The following TNPO2 variants were observed in gnomAD, a reference collection of about 807,000 sequenced individuals.
TNPO2 encodes the protein transportin-2.
Under a neutral mutation model 111.1 loss-of-function variants are expected in TNPO2, and 16 were observed. The observed-to-expected ratio is 0.14, with a 90% CI of 0.10 to 0.22. The LOEUF is 0.22. Ranked by LOEUF, TNPO2 falls within the 10% of genes least tolerant of loss-of-function variation. The probability of loss-of-function intolerance (pLI) is 1.00; values close to 1 mark genes in which losing one functional copy is unlikely to be tolerated. For synonymous variants in TNPO2, 481 were observed against 475.8 expected, an observed-to-expected ratio of 1.01 and a Z score of -0.14; for missense variants, 530 against 1,173.7, an observed-to-expected ratio of 0.45 and a Z score of 8.01.
Position 12,721,179 on chromosome 19 carries a change from C to T in TNPO2, c.-13-189G>A, listed in dbSNP as rs1231276749. ...TGCGCCATCCTCGGCCGCGCAGTCGCGGGCTCGGGAGCGCGGGAGGGGGGA... is the reference window on the plus strand; with the variant it reads ...TGCGCCATCCTCGGCCGCGCAGTCGTGGGCTCGGGAGCGCGGGAGGGGGGA... On this transcript the variant is annotated intron_variant, in intron 2 of 25. Coordinates refer to ENST00000425528, the MANE Select transcript of TNPO2 (RefSeq NM_001382241.1). This position sits in a 1 kb window ranked among gnomAD's most constrained non-coding sequence, Gnocchi z 4.9. 24 of 1,393,932 alleles carry T rather than the reference C, an allele frequency of 1.7e-5. No homozygotes were observed. Among genetic ancestry groups the T allele is most frequent in the Non-Finnish European group, 2.2e-5 (24 of 1,081,682 alleles). The allele number at this position is 1,393,932 out of a possible 1,614,324, so 86.3% of individuals were successfully genotyped here.
At chr19:12,722,735 C>T (rs556802294) in intron 2 of TNPO2, among the ~76,000 whole-genome samples, 1 of 152,216 alleles carries the variant, frequency 6.6e-6, no homozygotes, top group African/African-American at 2.4e-5. Context: ...GAGACAAGGT[C>T]CGGTCACGTG....
At chr19:12,714,799 A>G in intron 10 of TNPO2, 22 bp downstream of exon 10, 1 of 1,601,150 alleles carries the variant, frequency 6.2e-7, no homozygotes, top group Non-Finnish European at 8.6e-7. Flanking sequence ...GGGGTAGGAC[A>G]GTGGGCAGCA....
chr19:12,701,146 C>T lies in TNPO2; in HGVS notation c.*118G>A. The T allele has an allele frequency of 1.9e-6, 1 of 525,486 alleles. No homozygotes were observed. Among genetic ancestry groups the T allele is most frequent in the Non-Finnish European group, 3.4e-6 (1 of 296,462 alleles). The allele number at this position is 525,486 out of a possible 1,614,324, so 32.6% of individuals were successfully genotyped here. A position where few individuals can be genotyped will look rare whatever the true frequency, so the allele number is the denominator to read the frequency against. ...CGGGGAAGGCATCTGGATTTGAGTCCCACTCACTCCTCCCTAACCCCCCTC... is the reference window on the plus strand; with the variant it reads ...CGGGGAAGGCATCTGGATTTGAGTCTCACTCACTCCTCCCTAACCCCCCTC... On this transcript the variant is annotated 3_prime_UTR_variant, in exon 26 of 26. Coordinates refer to ENST00000425528, the MANE Select transcript of TNPO2 (RefSeq NM_001382241.1). The surrounding 1 kb of genome is among the most constrained non-coding windows in gnomAD (Gnocchi z 5.0).
At position 12,702,786 on chromosome 19, in the gene TNPO2, G is replaced by T; in HGVS notation, c.2305+37C>A. 1 of 1,585,764 alleles carries T rather than the reference G, an allele frequency of 6.3e-7. No individual in the cohort carries two copies. Among genetic ancestry groups the T allele is most frequent in the Non-Finnish European group, 8.7e-7 (1 of 1,154,708 alleles). On this transcript the variant is annotated intron_variant, in intron 21 of 25. Coordinates refer to ENST00000425528, the MANE Select transcript of TNPO2 (RefSeq NM_001382241.1). The surrounding 1 kb of genome is among the most constrained non-coding windows in gnomAD (Gnocchi z 5.5). The stretch of plus-strand genomic sequence containing the variant: ...CCCAGAACCCCACCTCCAGAAGGCA[G>T]GCAGGGGTGCAGGCAGCAGCCGGGC...
In TNPO2 at chr19:12,723,238, C is replaced by CCTT. The variant is rs1221595367; in HGVS notation, c.-14+8_-14+10dup. The stretch of plus-strand genomic sequence containing the variant: ...AATAAACTTTGAACCACGCCTAATC[C>CCTT]CTTTCCCTACCTGAAGTTGAATGAG... On this transcript the variant is annotated intron_variant, in intron 2 of 25. Coordinates refer to ENST00000425528, the MANE Select transcript of TNPO2 (RefSeq NM_001382241.1). 1 of 152,104 alleles carries CCTT rather than the reference C, an allele frequency of 6.6e-6. No individual in the cohort carries two copies. Among genetic ancestry groups the CCTT allele is most frequent in the East Asian group, 1.9e-4 (1 of 5,192 alleles). The allele number at this position is 152,104 out of a possible 1,614,324, so 9.4% of individuals were successfully genotyped here. A position where few individuals can be genotyped will look rare whatever the true frequency, so the allele number is the denominator to read the frequency against.
In TNPO2 at chr19:12,702,528, G is replaced by A. The variant is rs986910233; in HGVS notation, c.2305+295C>T. 2.5e-5 allele frequency: 13 copies of A among 513,910 alleles called. No homozygotes were observed. Among genetic ancestry groups the A allele is most frequent in the African/African-American group, 2.1e-4 (11 of 51,676 alleles). The allele number at this position is 513,910 out of a possible 1,614,324, so 31.8% of individuals were successfully genotyped here. A position where few individuals can be genotyped will look rare whatever the true frequency, so the allele number is the denominator to read the frequency against. ...ATTGCAGGCACGTGCCATTACCCCCGGCTAATTTTTGTATTTTTTAGTAGA... is the reference window on the plus strand; with the variant it reads ...ATTGCAGGCACGTGCCATTACCCCCAGCTAATTTTTGTATTTTTTAGTAGA... On this transcript the variant is annotated intron_variant, in intron 21 of 25. Transcript: ENST00000425528. This position sits in a 1 kb window ranked among gnomAD's most constrained non-coding sequence, Gnocchi z 5.5.
chr19:12,710,573 C>G, intron 13 of TNPO2, 48 bp downstream of exon 13: 2 of 1,597,372 alleles, frequency 1.3e-6, no homozygotes, highest in Non-Finnish European at 1.7e-6. Context: ...TGTGGGCCAG[C>G]CCTACAGTCT....
In TNPO2 at chr19:12,711,388, G is replaced by A. The variant is rs757235155; in HGVS notation, c.1025C>T (p.Thr342Met). 1.2e-6 allele frequency: 2 copies of A among 1,613,880 alleles called. No individual in the cohort carries two copies. The highest frequency in any genetic ancestry group is 1.7e-6 in the Non-Finnish European group (2 of 1,179,904). Residue 342 changes from threonine to methionine, a missense_variant, in exon 12 of 26, where the codon ACG becomes ATG. Transcript: ENST00000425528. ...CTCAGCCTCGTGGGGCAGTGTGACC[G>A]TGCGTGACTTGTGGAAGCGTGGCTT... is the stretch of plus-strand genomic sequence containing the variant. The part of the protein sequence containing the change: ...DIKPRFHKSR[T>M]VTLPHEAERP...
In TNPO2 at chr19:12,721,087, G is replaced by A. The variant is rs924758989; in HGVS notation, c.-13-97C>T. On this transcript the variant is annotated intron_variant, in intron 2 of 25. Transcript: ENST00000425528. The surrounding 1 kb of genome is among the most constrained non-coding windows in gnomAD (Gnocchi z 4.9). Reference sequence around the variant, plus strand: ...GGCCGCGGTGGCCGCATGACGACGGGAACGCCCTCGGCGGACAGGCGGAGG... The same window carrying A: ...GGCCGCGGTGGCCGCATGACGACGGAAACGCCCTCGGCGGACAGGCGGAGG... 6.5e-7 allele frequency: 1 copy of A among 1,529,414 alleles called. No individual in the cohort carries two copies. The highest frequency in any genetic ancestry group is 1.4e-5 in the African/African-American group (1 of 72,254). 94.7% of individuals were successfully genotyped at this position (1,529,414 alleles called of 1,614,324 possible).
Position 12,721,500 on chromosome 19 carries a change from G to A in TNPO2, c.-13-510C>T. On this transcript the variant is annotated intron_variant, in intron 2 of 25. Transcript: ENST00000425528. This position sits in a 1 kb window ranked among gnomAD's most constrained non-coding sequence, Gnocchi z 4.9. ...TTCTGCCAGATCCCAGAGGCCTCCT[G>A]CCCTAGTCCAATTTCTGAGCTTCCC... 2.6e-6 allele frequency: 1 copy of A among 386,444 alleles called. No homozygotes were observed. The highest frequency in any genetic ancestry group is 1.0e-4 in the East Asian group (1 of 9,904). 23.9% of individuals were successfully genotyped at this position (386,444 alleles called of 1,614,324 possible). A position where few individuals can be genotyped will look rare whatever the true frequency, so the allele number is the denominator to read the frequency against.
chr19:12,703,394 G>T (rs756868549), intron 20 of TNPO2, 34 bp downstream of exon 20: 2 of 1,583,184 alleles, frequency 1.3e-6, no homozygotes, highest in Admixed American at 3.3e-5. Context: ...ACAGGCTAAT[G>T]GGGGGCGCGT....
chr19:12,719,193 G>T lies in TNPO2; in HGVS notation c.176-15C>A. The T allele has an allele frequency of 6.2e-7, 1 of 1,613,928 alleles. No individual in the cohort carries two copies. Among genetic ancestry groups the T allele is most frequent in the Non-Finnish European group, 8.5e-7 (1 of 1,179,818 alleles). On this transcript the variant is annotated splice_polypyrimidine_tract_variant and intron_variant, in intron 4 of 25. Coordinates refer to ENST00000425528, the MANE Select transcript of TNPO2 (RefSeq NM_001382241.1). This position sits in a 1 kb window ranked among gnomAD's most constrained non-coding sequence, Gnocchi z 5.0. ...CGTTGGCTCATCTGGGAGGAGGAAG[G>T]CTGAGGTTCAGGGGCCCAGGGGGAG...
rs118055629 is a variant in TNPO2 at position 12,703,625 on chromosome 19, A to C, written c.2110+89T>G. 4.2e-3 allele frequency: 6,662 copies of C among 1,572,554 alleles called. 31 individuals carry two copies. The highest frequency in any genetic ancestry group is 6.0e-3 in the Middle Eastern group (36 of 5,980). ...CCATCAGACAGTACGAATACATCCC[A>C]ATGTGGTCACAGTCATCCCCGGGTA... On this transcript the variant is annotated intron_variant, in intron 19 of 25. Coordinates refer to ENST00000425528, the MANE Select transcript of TNPO2 (RefSeq NM_001382241.1).
Position 12,719,389 on chromosome 19 carries a change from C to T in TNPO2, c.100-53G>A, listed in dbSNP as rs1348850744. 3 of 1,508,820 alleles carry T rather than the reference C, an allele frequency of 2.0e-6. No homozygotes were observed. Among genetic ancestry groups the T allele is most frequent in the African/African-American group, 2.7e-5 (2 of 73,084 alleles). 93.5% of individuals were successfully genotyped at this position (1,508,820 alleles called of 1,614,324 possible). A position where few individuals can be genotyped will look rare whatever the true frequency, so the allele number is the denominator to read the frequency against. On this transcript the variant is annotated intron_variant, in intron 3 of 25. Coordinates refer to ENST00000425528, the MANE Select transcript of TNPO2 (RefSeq NM_001382241.1). The surrounding 1 kb of genome is among the most constrained non-coding windows in gnomAD (Gnocchi z 5.0). ...ACAGAGGCCTTCCCCCAGCCAGGTC[C>T]CCTCATTATGTACCTGACACTATCT...
chr19:12,709,745 A>T (rs2025932429), intron 13 of TNPO2, among the ~76,000 whole-genome samples: 1 of 151,376 alleles, frequency 6.6e-6, no homozygotes, highest in Non-Finnish European at 1.5e-5. Flanking sequence ...AGCCTCCCAA[A>T]GTGCTAGGAT....
rs2026300659 is a variant in TNPO2 at position 12,715,249 on chromosome 19, G to A, written c.642C>T (p.Phe214=). The change falls in exon 8 of 26, where the codon TTC becomes TTT. Residue 214 remains phenylalanine (F), a synonymous_variant. Coordinates refer to ENST00000425528, the MANE Select transcript of TNPO2 (RefSeq NM_001382241.1). This position sits in a 1 kb window ranked among gnomAD's most constrained non-coding sequence, Gnocchi z 7.1. ...CCCCAGCCCAGCGGCCCACCTCGAT[G>A]AAGGTGTCAATATTGTCCATCAGCG... The part of the protein sequence containing the change: ...AQALMDNIDT[F]IEHLFALAVD... 2 of 1,613,532 alleles carry A rather than the reference G, an allele frequency of 1.2e-6. No individual in the cohort carries two copies. Among genetic ancestry groups the A allele is most frequent in the African/African-American group, 2.7e-5 (2 of 74,888 alleles).
chr19:12,705,159 G>A lies in TNPO2; in HGVS notation c.2022+81C>T, dbSNP rs1568332439. On this transcript the variant is annotated intron_variant, in intron 18 of 25. Coordinates refer to ENST00000425528, the MANE Select transcript of TNPO2 (RefSeq NM_001382241.1). This position sits in a 1 kb window ranked among gnomAD's most constrained non-coding sequence, Gnocchi z 7.2. ...GCACCTTTTCCCTGATTTCCTTTGGGCACAACCAGGCCCTGACTCCCCACC... is the reference window on the plus strand; with the variant it reads ...GCACCTTTTCCCTGATTTCCTTTGGACACAACCAGGCCCTGACTCCCCACC... 1.9e-5 allele frequency: 26 copies of A among 1,399,280 alleles called. No individual in the cohort carries two copies. In the South Asian group the frequency reaches 3.1e-4, roughly 17 times the overall value. 86.7% of individuals were successfully genotyped at this position (1,399,280 alleles called of 1,614,324 possible). A position where few individuals can be genotyped will look rare whatever the true frequency, so the allele number is the denominator to read the frequency against.
intron 5 of TNPO2, among the ~76,000 whole-genome samples, chr19:12,717,286 T>C (rs1272682781): frequency 6.7e-6 from 1 of 148,522 alleles, no homozygotes; most frequent in Non-Finnish European, 1.5e-5. Context: ...TTTTTTTTTT[T>C]TTTGAGATGG....
In TNPO2 at chr19:12,706,038, C is replaced by A; in HGVS notation, c.1668+158G>T. ...GCTGTCTCATAACTGTCTTTCTCCC[C>A]CACTAGACTGGGAGCAGGGCGAGGG... On this transcript the variant is annotated intron_variant, in intron 15 of 25. Coordinates refer to ENST00000425528, the MANE Select transcript of TNPO2 (RefSeq NM_001382241.1). This position sits in a 1 kb window ranked among gnomAD's most constrained non-coding sequence, Gnocchi z 7.0. The A allele has an allele frequency of 1.2e-6, 1 of 821,098 alleles. No individual in the cohort carries two copies. Among genetic ancestry groups the A allele is most frequent in the Non-Finnish European group, 1.9e-6 (1 of 535,458 alleles). The allele number at this position is 821,098 out of a possible 1,614,324, so 50.9% of individuals were successfully genotyped here.
Sources: gnomAD v4.1 joint callset for allele counts (sites outside exome capture counted in the v4.1 genomes callset) on GRCh38, gnomAD v4.1.1 for gene constraint, Gnocchi (gnomAD v3.1) non-coding constraint, MANE v1.5 for transcripts, NCBI Gene and HGNC (gene_info 2026-07-23, HGNC 2026-07-21) for gene names.